The following PLEC variants were observed in gnomAD, a reference collection of about 807,000 sequenced individuals.
The protein encoded by PLEC is plectin.
Under a neutral mutation model 392.8 loss-of-function variants are expected in PLEC, and 216 were observed. The ratio of observed to expected loss-of-function variants is 0.55; its 90% confidence interval spans 0.49 to 0.62. PLEC has a LOEUF of 0.62. Among genes scored for constraint, PLEC ranks in the 20% least tolerant of loss-of-function variants. The pLI is 0.00. For synonymous variants in PLEC, 3,621 were observed against 2,980.6 expected (o/e 1.21, Z -7.00); for missense variants, 6,863 against 6,563.4 (o/e 1.05, Z -1.58).
At chr8:143,963,053 G>T (rs1554741305) in intron 1 of PLEC, among the ~76,000 whole-genome samples, 1 of 152,204 alleles carries the variant, frequency 6.6e-6, no homozygotes, top group Admixed American at 6.5e-5. Context: ...GCCAGGAATA[G>T]AGACAAGATT....
Position 143,935,904 on chromosome 8 carries a change from G to A in PLEC, c.546C>T (p.Asn182=), listed in dbSNP as rs1828923971. ...GGCCGTCTCTCCAGCTGGAGGTGAA[G>A]TTGTCGCATCGCAGGCCCTGGTACC... ...VEGYQGLRCD[N]FTSSWRDGRL... Residue 182 remains asparagine (N), a synonymous_variant, in exon 6 of 32, where the codon AAC becomes AAT. Transcript: ENST00000345136. 1.2e-6 allele frequency: 2 copies of A among 1,612,984 alleles called. No individual in the cohort carries two copies. Among genetic ancestry groups the A allele is most frequent in the Non-Finnish European group, 8.5e-7 (1 of 1,179,994 alleles).
chr8:143,973,244 C>T lies in PLEC; in HGVS notation c.70+159G>A, dbSNP rs1833523107. 1.3e-5 allele frequency among the ~76,000 whole-genome samples: 2 copies of T among 150,544 alleles called. No individual in the cohort carries two copies. The highest frequency in any genetic ancestry group is 6.6e-5 in the Admixed American group (1 of 15,158). On this transcript the variant is annotated intron_variant, in intron 1 of 31. Transcript: ENST00000356346. This position sits in a 1 kb window ranked among gnomAD's most constrained non-coding sequence, Gnocchi z 5.6. ...GCTCAGCGGAGCGAGTCCTCCCCTT[C>T]CCTAGGCACTGGCAGCCGTTGGGGG...
Position 143,924,388 on chromosome 8 carries a change from C to A in PLEC, c.5541G>T (p.Arg1847=), listed in dbSNP as rs1359590722. The change falls in exon 31 of 32, where the codon CGG becomes CGT. Residue 1847 remains arginine (R), a synonymous_variant. Coordinates refer to ENST00000345136, the MANE Select transcript of PLEC (RefSeq NM_201384.3). ...GCGCGATCTCCGCCTCCGTCTTGAGCCGCGTGGCCTCGCCGATGGCGGCCA... is the reference window on the plus strand; with the variant it reads ...GCGCGATCTCCGCCTCCGTCTTGAGACGCGTGGCCTCGCCGATGGCGGCCA... ...EKLAAIGEAT[R]LKTEAEIALK... 2 of 1,595,526 alleles carry A rather than the reference C, an allele frequency of 1.3e-6. No individual in the cohort carries two copies. The highest frequency in any genetic ancestry group is 1.7e-6 in the Non-Finnish European group (2 of 1,178,170).
upstream of PLEC, among the ~76,000 whole-genome samples, chr8:143,952,987 C>T (rs1832347278): frequency 9.6e-6 from 1 of 104,540 alleles, no homozygotes; most frequent in East Asian, 2.7e-4. Flanking sequence ...CTGCGGCATG[C>T]GCCACCCCCC....
intron 1 of PLEC, among the ~76,000 whole-genome samples, chr8:143,946,184 A>T (rs2132617024): frequency 6.6e-6 from 1 of 152,330 alleles, no homozygotes; most frequent in South Asian, 2.1e-4. Flanking sequence ...CTTCCGGGAC[A>T]CACATCACAC....
rs1828353020 is a variant in PLEC at position 143,934,355 on chromosome 8, G to A, written c.1132C>T (p.Leu378=). 2.5e-6 allele frequency: 4 copies of A among 1,612,458 alleles called. No homozygotes were observed. Among genetic ancestry groups the A allele is most frequent in the Middle Eastern group, 3.3e-4 (2 of 6,078 alleles). ...CTGCGGAGCTGCTTCTCCCGCTCCAGGATGGCCACGTGCAGCTTGCCCCAC... is the reference window on the plus strand; with the variant it reads ...CTGCGGAGCTGCTTCTCCCGCTCCAAGATGGCCACGTGCAGCTTGCCCCAC... ...KEWGKLHVAI[L]EREKQLRSEF... is the part of the protein sequence containing the mutation. The change falls in exon 11 of 32, where the codon CTG becomes TTG. Residue 378 remains leucine, a synonymous_variant. Coordinates refer to ENST00000345136, the MANE Select transcript of PLEC (RefSeq NM_201384.3).
intron 1 of PLEC, among the ~76,000 whole-genome samples, chr8:143,965,924 A>G (rs1554742089): frequency 6.6e-6 from 1 of 152,158 alleles, no homozygotes; most frequent in African/African-American, 2.4e-5. Context: ...GCCAGCATCC[A>G]GCTGAGGCTG....
At position 143,925,136 on chromosome 8, in the gene PLEC, T is replaced by C; in HGVS notation, c.4793A>G (p.Glu1598Gly). 3 of 1,558,858 alleles carry C rather than the reference T, an allele frequency of 1.9e-6. No individual in the cohort carries two copies. The highest frequency in any genetic ancestry group is 1.7e-6 in the Non-Finnish European group (2 of 1,160,352). Residue 1598 changes from glutamate (E) to glycine (G), a missense_variant, in exon 31 of 32, where the codon GAG (glutamate) becomes GGG (glycine). Physicochemically the swap from Glu to Gly is moderately conservative, Grantham distance 98 (BLOSUM62 -2). Coordinates refer to ENST00000345136, the MANE Select transcript of PLEC (RefSeq NM_201384.3). ...CAGCTGTGCCACAGCCACGTGTTCC[T>C]CCTGCAGGGAGCGCTCCAGCTGTGC... Reference protein sequence around the residue: ...KTAQLERSLQEEHVAVAQLRE... With the variant: ...KTAQLERSLQGEHVAVAQLRE...
chr8:143,929,070 C>G, intron 25 of PLEC, 33 bp downstream of exon 25: 1 of 1,548,166 alleles, frequency 6.5e-7, no homozygotes, highest in Non-Finnish European at 8.7e-7. Flanking sequence ...CCCAGCCGAC[C>G]CCAGCCCCTC....
upstream of PLEC, chr8:143,942,265 A>T (rs1554729218): frequency 7.1e-6 from 8 of 1,128,176 alleles, no homozygotes; most frequent in Admixed American, 4.2e-5. Context: ...CTCGGGGGCA[A>T]GGCTGCACCG....
upstream of PLEC, among the ~76,000 whole-genome samples, chr8:143,953,448 C>CCCGCCGCCGCCGCCGCCG (rs1174485406): frequency 6.0e-5 from 9 of 150,980 alleles, no homozygotes; most frequent in African/African-American, 2.0e-4. Context: ...CTGTCCCCGC[C>CCCGCCGCCGCCGCCGCCG]CCGCCGCCGC....
upstream of PLEC, among the ~76,000 whole-genome samples, chr8:143,974,300 A>T (rs552229723): frequency 2.0e-5 from 3 of 152,354 alleles, no homozygotes; most frequent in South Asian, 6.2e-4. This position sits in a 1 kb window ranked among gnomAD's most constrained non-coding sequence, Gnocchi z 5.9. Flanking sequence ...ACACTCCTCC[A>T]CAACTGTAAA....
intron 25 of PLEC, among the ~76,000 whole-genome samples, chr8:143,928,209 C>G (rs977474252): frequency 1.1e-4 from 16 of 152,250 alleles, no homozygotes; most frequent in African/African-American, 3.9e-4. Flanking sequence ...ACTCAGGACC[C>G]AGCCTGGAGA....
chr8:143,923,479 TGC>T lies in PLEC; in HGVS notation c.6448_6449del (p.Ala2150ThrfsTer14). 6.2e-7 allele frequency: 1 copy of T among 1,601,036 alleles called. No individual in the cohort carries two copies. Among genetic ancestry groups the T allele is most frequent in the Non-Finnish European group, 8.5e-7 (1 of 1,175,526 alleles). On this transcript the variant is annotated frameshift_variant, in exon 31 of 32. Coordinates refer to ENST00000345136, the MANE Select transcript of PLEC (RefSeq NM_201384.3). LOFTEE classifies it high-confidence loss of function. ...KEAEQEAARR[A>X]QAEQAALRQK... ...GCCGCAGGGCCGCCTGCTCCGCCTG[TGC>T]CCGCCGCGCCGCCTCTTGCTCGGCC...
chr8:143,954,245 C>T (rs1554738513), upstream of PLEC, among the ~76,000 whole-genome samples: 1 of 152,228 alleles, frequency 6.6e-6, no homozygotes, highest in African/African-American at 2.4e-5. This position sits in a 1 kb window ranked among gnomAD's most constrained non-coding sequence, Gnocchi z 4.6. Context: ...GGCCCAACTC[C>T]AGGGCCTGGG....
intron 1 of PLEC, among the ~76,000 whole-genome samples, chr8:143,966,692 G>A (rs933613271): frequency 2.0e-5 from 3 of 152,082 alleles, no homozygotes; most frequent in Admixed American, 2.0e-4. Flanking sequence ...CCCCGCGTCA[G>A]GAAGCTGGAT....
exon 1 of PLEC, chr8:143,950,526 C>T: frequency 6.2e-7 from 1 of 1,607,502 alleles, no homozygotes; most frequent in Non-Finnish European, 8.5e-7. Flanking sequence ...GTCTCGCGGA[C>T]CAGGCCCCGT....
Position 143,929,998 on chromosome 8 carries a change from G to A in PLEC, c.2677C>T (p.Leu893Phe). Residue 893 changes from leucine (L) to phenylalanine (F), a missense_variant, in exon 22 of 32, where the codon CTT (leucine) becomes TTT (phenylalanine). Leu to Phe is a conservative substitution (Grantham distance 22). Transcript: ENST00000345136. ...WHQLHVDMKS[L>F]LAWQSLRRDV... ...CGGCGAAGGCTCTGCCAGGCCAGAA[G>A]GCTCTTCATGTCCACGTGCAACTGG... 1.9e-6 allele frequency: 3 copies of A among 1,612,212 alleles called. No individual in the cohort carries two copies. The highest frequency in any genetic ancestry group is 1.3e-5 in the African/African-American group (1 of 75,022).
At chr8:143,946,382 T>A in intron 1 of PLEC, 1 of 1,288,846 alleles carries the variant, frequency 7.8e-7, no homozygotes, top group Non-Finnish European at 1.0e-6. Flanking sequence ...CTCCATGCTG[T>A]ACCTGTCCAT....
Sources: allele counts gnomAD v4.1 joint callset (sites outside exome capture counted in the v4.1 genomes callset), GRCh38; gene constraint gnomAD v4.1.1; non-coding constraint Gnocchi (gnomAD v3.1); transcripts MANE v1.5; gene names NCBI Gene and HGNC (gene_info 2026-07-23, HGNC 2026-07-21).